The following NFILZ variants were observed in gnomAD, a reference collection of about 807,000 sequenced individuals.
NFILZ encodes the protein NFIL3 like protein.
At chr19:8,642,791 C>A (rs2042924309) in intron 3 of NFILZ, among the ~76,000 whole-genome samples, 1 of 152,020 alleles carries the variant, frequency 6.6e-6, no homozygotes, top group Non-Finnish European at 1.5e-5. Context: ...TGGTCAAACC[C>A]AGACTCAGGA....
intron 3 of NFILZ, among the ~76,000 whole-genome samples, chr19:8,656,306 C>CCCACCTCCTCCCTGA (rs2042995032): frequency 2.9e-5 from 1 of 34,176 alleles, no homozygotes; most frequent in African/African-American, 6.5e-5. Flanking sequence ...CCTCCTCCCG[C>CCCACCTCCTCCCTGA]AGCGCACCTC....
intron 3 of NFILZ, among the ~76,000 whole-genome samples, chr19:8,662,955 T>C (rs1313863581): frequency 2.0e-5 from 3 of 149,838 alleles, no homozygotes; most frequent in Non-Finnish European, 4.4e-5. Flanking sequence ...TTTTTCCTTT[T>C]TTTTTTTTAA....
chr19:8,643,238 TCA>T (rs1383958863), intron 3 of NFILZ, among the ~76,000 whole-genome samples: 1 of 152,178 alleles, frequency 6.6e-6, no homozygotes, highest in African/African-American at 2.4e-5. Flanking sequence ...GCGTGAGCCA[TCA>T]CACCCAGCTA....
At chr19:8,661,685 A>G (rs1373958626) in intron 3 of NFILZ, among the ~76,000 whole-genome samples, 2 of 152,156 alleles carry the variant, frequency 1.3e-5, no homozygotes, top group African/African-American at 4.8e-5. Flanking sequence ...TGAGGTCAGG[A>G]GTTCGAGACC....
chr19:8,670,824 G>C (rs921684305), intron 3 of NFILZ, among the ~76,000 whole-genome samples: 1 of 152,010 alleles, frequency 6.6e-6, no homozygotes, highest in Non-Finnish European at 1.5e-5. Flanking sequence ...GCAAAACCCC[G>C]TCTGTACTAA....
At chr19:8,653,902 T>G (rs2042980358) in intron 3 of NFILZ, among the ~76,000 whole-genome samples, 1 of 152,056 alleles carries the variant, frequency 6.6e-6, no homozygotes, top group Admixed American at 6.6e-5. Flanking sequence ...TGCTCTAAAA[T>G]CTCAGACTTC....
intron 3 of NFILZ, among the ~76,000 whole-genome samples, chr19:8,655,639 C>T (rs561874674): frequency 9.2e-5 from 14 of 152,268 alleles, no homozygotes; most frequent in Admixed American, 6.5e-4. Context: ...GTGAGGACGG[C>T]ATGCTGGGCT....
At chr19:8,655,563 G>A (rs530893015) in intron 3 of NFILZ, among the ~76,000 whole-genome samples, 37 of 152,130 alleles carry the variant, frequency 2.4e-4, no homozygotes, top group Admixed American at 4.6e-4. Context: ...TACCTCCACC[G>A]CGGGAGGTTC....
intron 3 of NFILZ, among the ~76,000 whole-genome samples, chr19:8,652,922 T>TTCTCTCTC (rs1306778842): frequency 7.3e-6 from 1 of 136,240 alleles, no homozygotes; most frequent in Non-Finnish European, 1.6e-5. Flanking sequence ...TCTCTCTCTC[T>TTCTCTCTC]TCTCTCTCTC....
chr19:8,663,732 G>GTGTGCATGTGTATGTGTGTGTA (rs1555749443), intron 3 of NFILZ, among the ~76,000 whole-genome samples: 1 of 102,834 alleles, frequency 9.7e-6, no homozygotes, highest in Non-Finnish European at 2.1e-5. Context: ...TTGTGTGTGT[G>GTGTGCATGTGTATGTGTGTGTA]TGTGTGTGTG....
chr19:8,640,756 C>T (rs575834385), intron 3 of NFILZ, among the ~76,000 whole-genome samples: 1 of 152,286 alleles, frequency 6.6e-6, no homozygotes, highest in African/African-American at 2.4e-5. Flanking sequence ...TAACTGCTTT[C>T]TCAGGGTGTG....
chr19:8,663,156 G>T (rs947567590), intron 3 of NFILZ, among the ~76,000 whole-genome samples: 5 of 151,428 alleles, frequency 3.3e-5, no homozygotes, highest in Admixed American at 6.6e-5. Context: ...ATGGGGTCTT[G>T]CTATGTTGCT....
chr19:8,636,484 G>A (rs1283412240), intron 3 of NFILZ, among the ~76,000 whole-genome samples: 6 of 131,002 alleles, frequency 4.6e-5, no homozygotes, highest in East Asian at 2.5e-4. Flanking sequence ...TTGCTCTGTC[G>A]CCCAGGCTGG....
chr19:8,677,642 C>T lies in NFILZ; in HGVS notation c.*7C>T, dbSNP rs1379440320. The T allele has an allele frequency of 6.6e-6, 1 of 152,222 alleles. No homozygotes were observed. Among genetic ancestry groups the T allele is most frequent in the Non-Finnish European group, 1.5e-5 (1 of 68,110 alleles). The allele number at this position is 152,222 out of a possible 1,614,324, so 9.4% of individuals were successfully genotyped here. On this transcript the variant is annotated 3_prime_UTR_variant, in exon 6 of 6. Coordinates refer to ENST00000691075, the MANE Select transcript of NFILZ (RefSeq NM_001378600.1). The stretch of plus-strand genomic sequence containing the variant: ...TGGTCAGGCGCCCCTCTGAGGGCTT[C>T]CTCTGGGAAGGGCTAGGCTTGCAAG...
intron 3 of NFILZ, among the ~76,000 whole-genome samples, chr19:8,647,795 G>A (rs7507243): frequency 0.54 from 40,906 of 75,444 alleles, 9,917 homozygotes; most frequent in Non-Finnish European, 0.63. Context: ...GCGCGCGCGC[G>A]CACACACACA....
In NFILZ at chr19:8,652,955, TTTCC is replaced by T. The variant is rs1600145416; in HGVS notation, c.-164+17210_-164+17213del. Among the ~76,000 whole-genome samples, 1,329 of 140,322 alleles carry T rather than the reference TTTCC, an allele frequency of 9.5e-3. 172 individuals carry two copies. Among genetic ancestry groups the T allele is most frequent in the Middle Eastern group, 0.027 (7 of 264 alleles). 92.1% of individuals were successfully genotyped at this position (140,322 alleles called of 152,430 possible). A position where few individuals can be genotyped will look rare whatever the true frequency, so the allele number is the denominator to read the frequency against. ...CTCTTTCTCTCTTTCTCTCTCTTTC[TTTCC>T]CTTCCTTCCCTCCTTCCTTCCTTCC... On this transcript the variant is annotated intron_variant, in intron 3 of 5. Transcript: ENST00000691075.
At chr19:8,644,069 G>A (rs1331087838) in intron 3 of NFILZ, among the ~76,000 whole-genome samples, 1 of 152,092 alleles carries the variant, frequency 6.6e-6, no homozygotes, top group Non-Finnish European at 1.5e-5. Context: ...AAACCCCAGT[G>A]TGACTGAATT....
At chr19:8,670,905 G>A (rs1014013477) in intron 3 of NFILZ, among the ~76,000 whole-genome samples, 1 of 150,996 alleles carries the variant, frequency 6.6e-6, no homozygotes, top group Non-Finnish European at 1.5e-5. Context: ...TGAGGCAGGA[G>A]AATGGCTTGA....
At chr19:8,647,795 GCACACA>G (rs879996864) in intron 3 of NFILZ, among the ~76,000 whole-genome samples, 94 of 76,314 alleles carry the variant, frequency 1.2e-3, no homozygotes, top group East Asian at 4.0e-3. Flanking sequence ...GCGCGCGCGC[GCACACA>G]CACACACACA....
Sources: gnomAD v4.1 joint callset for allele counts (sites outside exome capture counted in the v4.1 genomes callset) on GRCh38, gnomAD v4.1.1 for gene constraint, MANE v1.5 for transcripts, NCBI Gene and HGNC (gene_info 2026-07-23, HGNC 2026-07-21) for gene names.